The following COL15A1 variants were observed in gnomAD, a reference collection of about 807,000 sequenced individuals.
The protein encoded by COL15A1 is collagen alpha-1(XV) chain.
Under a neutral mutation model 165.9 loss-of-function variants are expected in COL15A1, and 111 were observed. The ratio of observed to expected loss-of-function variants is 0.67; its 90% confidence interval spans 0.57 to 0.78. The LOEUF (loss-of-function observed/expected upper bound fraction) is 0.78, where lower values mean the gene tolerates loss of function less well. COL15A1 is among the 30% of genes least tolerant of loss of function. The pLI, the probability that COL15A1 is intolerant of heterozygous loss-of-function variation, is 0.00. For synonymous variants in COL15A1, 659 were observed against 674.8 expected, an observed-to-expected ratio of 0.98 and a Z score of 0.36; for missense variants, 1,745 against 1,789.7, an observed-to-expected ratio of 0.98 and a Z score of 0.45.
At chr9:99,007,269 G>A (rs1304381906) in intron 9 of COL15A1, among the ~76,000 whole-genome samples, 2 of 152,188 alleles carry the variant, frequency 1.3e-5, no homozygotes, top group Non-Finnish European at 2.9e-5. Flanking sequence ...CAAATTGTGA[G>A]GGAGGTATGT....
rs1330927836 is a variant in COL15A1, at chr9:98,987,393, T to C, written c.723+25T>C. The C allele has an allele frequency of 3.2e-6, 5 of 1,586,442 alleles. No homozygotes were observed. In the African/African-American group the frequency reaches 5.4e-5, roughly 17 times the overall value. ...GGTGAGCTCCCCTACTATCCCACAG[T>C]GGGCCCTGCAACCCCAGCAGCCGCA... On this transcript the variant is annotated intron_variant, in intron 4 of 41. Coordinates refer to ENST00000375001, the MANE Select transcript of COL15A1 (RefSeq NM_001855.5).
At chr9:98,999,218 G>A (rs762860910) in intron 6 of COL15A1, among the ~76,000 whole-genome samples, 4 of 152,226 alleles carry the variant, frequency 2.6e-5, no homozygotes, top group Non-Finnish European at 5.9e-5. Flanking sequence ...GTGTGGGAAG[G>A]GCCTGGCCCG....
intron 26 of COL15A1, 107 bp downstream of exon 26, chr9:99,044,877 G>T: frequency 1.8e-6 from 2 of 1,089,204 alleles, no homozygotes; most frequent in South Asian, 1.3e-5. Flanking sequence ...TCAAAGATGT[G>T]GCAAAGATGT....
In COL15A1 at chr9:98,944,600, C is replaced by T. The variant is rs1388214340; in HGVS notation, c.100+350C>T. Among the ~76,000 whole-genome samples the T allele has an allele frequency of 3.3e-5, 5 of 152,266 alleles. No homozygotes were observed. The South Asian group carries it at 1.0e-3, about 31-fold the overall frequency. ...CCCAGCGCCAGCAGCTTAGGTTGTGCGTGCTGGCTGGCTTCTGGTAAGGGC... is the reference window on the plus strand; with the variant it reads ...CCCAGCGCCAGCAGCTTAGGTTGTGTGTGCTGGCTGGCTTCTGGTAAGGGC... On this transcript the variant is annotated intron_variant, in intron 2 of 41. Coordinates refer to ENST00000375001, the MANE Select transcript of COL15A1 (RefSeq NM_001855.5).
chr9:98,945,604 C>G (rs887505035), intron 2 of COL15A1, among the ~76,000 whole-genome samples: 2 of 152,234 alleles, frequency 1.3e-5, no homozygotes, highest in Non-Finnish European at 2.9e-5. Flanking sequence ...AGCCCATTGT[C>G]TCCTGGGCAA....
intron 2 of COL15A1, among the ~76,000 whole-genome samples, chr9:98,977,668 C>T (rs1270466346): frequency 6.8e-6 from 1 of 147,930 alleles, no homozygotes; most frequent in African/African-American, 2.5e-5. Flanking sequence ...GAAACAAGGC[C>T]TGCGGGCCAG....
chr9:99,036,917 C>T (rs1839311877), intron 21 of COL15A1, among the ~76,000 whole-genome samples: 1 of 152,192 alleles, frequency 6.6e-6, no homozygotes, highest in Non-Finnish European at 1.5e-5. Flanking sequence ...TGGGCATGCC[C>T]CTTGGTGCTT....
chr9:99,022,013 AG>A (rs1354897108), intron 12 of COL15A1, 77 bp from the exon 13 acceptor site: 3 of 1,578,936 alleles, frequency 1.9e-6, no homozygotes, highest in Non-Finnish European at 2.6e-6. Context: ...TTTAAAGATG[AG>A]CACGATTTCT....
At chr9:99,045,059 A>G (rs1286581176) in intron 26 of COL15A1, among the ~76,000 whole-genome samples, 1 of 152,146 alleles carries the variant, frequency 6.6e-6, no homozygotes, top group Admixed American at 6.5e-5. Flanking sequence ...CCATTCTGTG[A>G]TTCTGCCATC....
chr9:99,020,309 C>A, intron 11 of COL15A1, 80 bp from the exon 12 acceptor site: 1 of 1,013,614 alleles, frequency 9.9e-7, no homozygotes, highest in South Asian at 1.3e-5. Context: ...TGACCAGGAC[C>A]AGGGAATGTC....
In COL15A1 at chr9:98,993,562, G is replaced by A. The variant is rs557384634; in HGVS notation, c.805-3372G>A. Among the ~76,000 whole-genome samples, 8 of 152,264 alleles carry A rather than the reference G, an allele frequency of 5.3e-5. No individual in the cohort carries two copies. In the South Asian group the frequency reaches 1.5e-3, roughly 28 times the overall value. ...CTTCCACATGCTTCCATTTCCTTTA[G>A]TCTCATTTGCAGGGAGGTGTTTGGG... is the stretch of plus-strand genomic sequence containing the variant. On this transcript the variant is annotated intron_variant, in intron 5 of 41. Transcript: ENST00000375001.
intron 2 of COL15A1, among the ~76,000 whole-genome samples, chr9:98,980,982 T>C (rs1838228842): frequency 6.6e-6 from 1 of 152,154 alleles, no homozygotes; most frequent in Admixed American, 6.5e-5. Flanking sequence ...CATACCCATA[T>C]TATCCAATAA....
At chr9:99,014,583 C>A (rs898371277) in intron 9 of COL15A1, among the ~76,000 whole-genome samples, 2 of 152,160 alleles carry the variant, frequency 1.3e-5, no homozygotes, top group African/African-American at 4.8e-5. Flanking sequence ...TCAGTGGCAC[C>A]TCCACTCAGA....
intron 2 of COL15A1, among the ~76,000 whole-genome samples, chr9:98,947,410 T>A (rs557272712): frequency 6.6e-6 from 1 of 152,058 alleles, no homozygotes; most frequent in South Asian, 2.1e-4. Flanking sequence ...AGGAAACTTT[T>A]TGGGGAGTGT....
chr9:98,956,074 G>A (rs144836422), intron 2 of COL15A1, among the ~76,000 whole-genome samples: 49 of 152,362 alleles, frequency 3.2e-4, no homozygotes, highest in African/African-American at 1.2e-3. Context: ...GGGAGGCCAA[G>A]GCAGATGGAT....
In COL15A1 at chr9:99,069,696, G is replaced by A; in HGVS notation, c.3977G>A (p.Gly1326Asp). 1 of 1,607,912 alleles carries A rather than the reference G, an allele frequency of 6.2e-7. No individual in the cohort carries two copies. The highest frequency in any genetic ancestry group is 8.5e-7 in the Non-Finnish European group (1 of 1,174,678). ...AGGCCCCAGAAAGTCATTTGGCATGGCTCCAGCCCCCATGGCGTCCGCCTT... is the reference window on the plus strand; with the variant it reads ...AGGCCCCAGAAAGTCATTTGGCATGACTCCAGCCCCCATGGCGTCCGCCTT... Reference protein sequence around the residue: ...PSWPQKVIWHGSSPHGVRLVD... With the variant: ...PSWPQKVIWHDSSPHGVRLVD... Residue 1326 changes from glycine (G) to aspartate (D), a missense_variant, in exon 42 of 42, where the codon GGC becomes GAC. Gly to Asp is a moderately conservative substitution (Grantham distance 94). Transcript: ENST00000375001.
rs1234844602 is a variant in COL15A1, at chr9:99,028,338, A to G, written c.2043+2372A>G. Among the ~76,000 whole-genome samples the G allele has an allele frequency of 2.6e-5, 4 of 152,144 alleles. No homozygotes were observed. The East Asian group carries it at 5.8e-4, about 22-fold the overall frequency. On this transcript the variant is annotated intron_variant, in intron 16 of 41. Coordinates refer to ENST00000375001, the MANE Select transcript of COL15A1 (RefSeq NM_001855.5). Reference sequence around the variant, plus strand: ...AAATATCTTAAGTATGAGCTAAGCTATGAGGACCCAAAGGCATAAGAATGA... The same window carrying G: ...AAATATCTTAAGTATGAGCTAAGCTGTGAGGACCCAAAGGCATAAGAATGA...
intron 2 of COL15A1, among the ~76,000 whole-genome samples, chr9:98,970,770 G>A (rs911869733): frequency 2.6e-5 from 4 of 152,090 alleles, no homozygotes; most frequent in Admixed American, 1.3e-4. Flanking sequence ...TGTGTGAGTA[G>A]GTAAGTGTGT....
intron 19 of COL15A1, among the ~76,000 whole-genome samples, chr9:99,035,669 TTCTC>T (rs1162375284): frequency 6.6e-6 from 1 of 152,196 alleles, no homozygotes; most frequent in Non-Finnish European, 1.5e-5. Flanking sequence ...CTTCATCTAT[TTCTC>T]TCTCTCCCTC....
Sources: gnomAD v4.1 joint callset for allele counts (sites outside exome capture counted in the v4.1 genomes callset) on GRCh38, gnomAD v4.1.1 for gene constraint, MANE v1.5 for transcripts, NCBI Gene and HGNC (gene_info 2026-07-23, HGNC 2026-07-21) for gene names.